SIRPG: variants seen among roughly 807,000 people sequenced by gnomAD.
The protein encoded by SIRPG is signal-regulatory protein gamma.
In SIRPG, 38 loss-of-function variants were observed where a neutral mutation model predicts 35.7. That is an observed-to-expected ratio of 1.06 (90% CI 0.82 to 1.40). The LOEUF is 1.40. SIRPG is among the 40% of genes most tolerant of loss of function. The pLI is 0.00. For synonymous variants in SIRPG, 215 were observed against 190.4 expected (o/e 1.13, Z -1.06); for missense variants, 519 against 483.0 (o/e 1.07, Z -0.70).
chr20:1,630,377 C>T (rs2091740601), intron 4 of SIRPG, 71 bp from the exon 5 acceptor site: 2 of 1,240,354 alleles, frequency 1.6e-6, no homozygotes, highest in Admixed American at 4.7e-5. Flanking sequence ...CCTCCACTTA[C>T]CCCATCTGAG....
chr20:1,646,235 A>G (rs1334162737), intron 2 of SIRPG: 1 of 152,158 alleles, frequency 6.6e-6, no homozygotes, highest in Non-Finnish European at 1.5e-5. Flanking sequence ...GAGATTCTTG[A>G]CTTCATGCAA....
At chr20:1,656,200 A>G (rs190760867) in intron 1 of SIRPG, among the ~76,000 whole-genome samples, 2 of 152,214 alleles carry the variant, frequency 1.3e-5, no homozygotes, top group Non-Finnish European at 2.9e-5. Flanking sequence ...ATTTCTACAC[A>G]TAGCATAACA....
Position 1,649,109 on chromosome 20 carries a change from CT to C in SIRPG, c.372del (p.Ser126AlafsTer39). 1 of 1,613,948 alleles carries C rather than the reference CT, an allele frequency of 6.2e-7. No homozygotes were observed. Among genetic ancestry groups the C allele is most frequent in the South Asian group, 1.1e-5 (1 of 91,072 alleles). ...TTAAACTCCACGTTCTCAGGGCTCC[CT>C]TTTCGAAACTTCACACAGTAGTATG... ...VGTYYCVKFR[K>X]GSPENVEFKS... On this transcript the variant is annotated frameshift_variant, in exon 2 of 6. Transcript: ENST00000303415. LOFTEE classifies it high-confidence loss of function.
At chr20:1,646,302 A>G (rs1330118818) in intron 2 of SIRPG, 1 of 152,200 alleles carries the variant, frequency 6.6e-6, no homozygotes, top group African/African-American at 2.4e-5. Flanking sequence ...GTGGCCAGAA[A>G]CAAAACACTG....
At chr20:1,630,359 T>A in intron 4 of SIRPG, 53 bp from the exon 5 acceptor site, 1 of 1,410,790 alleles carries the variant, frequency 7.1e-7, no homozygotes, top group Non-Finnish European at 9.7e-7. Flanking sequence ...GGGAGGCCAT[T>A]GTAGGGGCCT....
At chr20:1,664,119 G>T in the SIRPG span, among the ~76,000 whole-genome samples, 1 of 152,174 alleles carries the variant, frequency 6.6e-6, no homozygotes, top group Non-Finnish European at 1.5e-5. Flanking sequence ...ATCAAACCTT[G>T]TGAATACTAA....
the SIRPG span, among the ~76,000 whole-genome samples, chr20:1,680,213 G>C: frequency 3.5e-4 from 54 of 152,296 alleles, no homozygotes; most frequent in Admixed American, 9.8e-4. Flanking sequence ...TTTCATGCCT[G>C]TTGGAGTCTC....
the SIRPG span, among the ~76,000 whole-genome samples, chr20:1,679,667 C>T: frequency 1.3e-5 from 2 of 152,104 alleles, no homozygotes; most frequent in Non-Finnish European, 2.9e-5. Context: ...ATGAAATTTT[C>T]ACAGTCATGT....
chr20:1,669,384 G>T, the SIRPG span, among the ~76,000 whole-genome samples: 2 of 152,238 alleles, frequency 1.3e-5, no homozygotes, highest in African/African-American at 4.8e-5. Flanking sequence ...TAGTAAATGT[G>T]CAGAGGGATG....
chr20:1,669,891 T>C, the SIRPG span: 1 of 167,352 alleles, frequency 6.0e-6, no homozygotes, highest in Admixed American at 6.2e-5. Context: ...AGAGACAAAA[T>C]TTTAAAATCG....
chr20:1,668,155 CTTTTCTTTTCTTTTCT>C, the SIRPG span, among the ~76,000 whole-genome samples: 5 of 108,264 alleles, frequency 4.6e-5, no homozygotes, highest in South Asian at 4.1e-4. Context: ...TTCTTTTTTT[CTTTTCTTTTCTTTTCT>C]TTTCTTTCTT....
chr20:1,631,330 T>G (rs1366388966), intron 4 of SIRPG, among the ~76,000 whole-genome samples: 1 of 152,088 alleles, frequency 6.6e-6, no homozygotes, highest in East Asian at 1.9e-4. Flanking sequence ...AATTCCAAGT[T>G]CACTCCTCCT....
chr20:1,637,807 G>A (rs1414979803), intron 2 of SIRPG: 4 of 152,134 alleles, frequency 2.6e-5, no homozygotes. Flanking sequence ...CCAACAGGCA[G>A]AAATCTATCC....
At chr20:1,656,438 G>C (rs898905265) in intron 1 of SIRPG, among the ~76,000 whole-genome samples, 1 of 152,194 alleles carries the variant, frequency 6.6e-6, no homozygotes, top group African/African-American at 2.4e-5. Context: ...GAGAGCAATT[G>C]CTGAACTATT....
At chr20:1,665,620 G>A in the SIRPG span, among the ~76,000 whole-genome samples, 1 of 152,156 alleles carries the variant, frequency 6.6e-6, no homozygotes, top group Admixed American at 6.5e-5. Flanking sequence ...GGAAGGAGGG[G>A]GTTGAGAGAG....
At chr20:1,674,683 T>C in the SIRPG span, among the ~76,000 whole-genome samples, 13 of 152,166 alleles carry the variant, frequency 8.5e-5, no homozygotes, top group East Asian at 7.7e-4. Context: ...AGAGTGGGTT[T>C]GGTGCATGAT....
At chr20:1,641,790 T>A (rs542324484) in intron 2 of SIRPG, among the ~76,000 whole-genome samples, 57 of 152,362 alleles carry the variant, frequency 3.7e-4, no homozygotes, top group Non-Finnish European at 6.9e-4. Context: ...TGGTATGTTG[T>A]CTCTTTGTTC....
the SIRPG span, among the ~76,000 whole-genome samples, chr20:1,679,102 G>A: frequency 6.6e-6 from 1 of 152,142 alleles, no homozygotes; most frequent in South Asian, 2.1e-4. Context: ...ATCTGTAGAA[G>A]GGGTGGCATC....
At chr20:1,657,872 A>T, upstream of SIRPG, 1 of 622,814 alleles carries the variant, frequency 1.6e-6, no homozygotes, top group Non-Finnish European at 2.7e-6. Flanking sequence ...GTGACTTACA[A>T]ATCAGGCACA....
Sources: allele counts gnomAD v4.1 joint callset (sites outside exome capture counted in the v4.1 genomes callset), GRCh38; gene constraint gnomAD v4.1.1; transcripts MANE v1.5; gene names NCBI Gene and HGNC (gene_info 2026-07-23, HGNC 2026-07-21).